LOXL1: variants seen among roughly 807,000 people sequenced by gnomAD.
LOXL1 encodes lysyl oxidase like 1.
A neutral mutation model predicts 62.2 loss-of-function variants in LOXL1; 31 were observed. The ratio of observed to expected loss-of-function variants is 0.50; its 90% CI spans 0.37 to 0.67. The LOEUF (loss-of-function observed/expected upper bound fraction) is 0.67. Ranked by LOEUF, LOXL1 falls within the 30% of genes least tolerant of loss-of-function variation. The probability of loss-of-function intolerance (pLI) is 0.00; values close to 1 mark genes in which losing one functional copy is unlikely to be tolerated. For missense variants in LOXL1, 775 were observed against 843.4 expected (o/e 0.92, Z 1.00); for synonymous variants, 403 against 384.4 (o/e 1.05, Z -0.56).
Position 73,947,839 on chromosome 15 carries a change from T to A in LOXL1, c.1539T>A (p.Asn513Lys). The stretch of plus-strand genomic sequence containing the variant: ...GCCCAGGCTGCTATGACACCTACAA[T>A]GCGGACATCGACTGCCAGTGGATCG... ...GLSPGCYDTY[N>K]ADIDCQWIDI... Residue 513 changes from asparagine to lysine, a missense_variant, in exon 5 of 7, where the codon AAT becomes AAA. Asn to Lys is a moderately conservative substitution (Grantham distance 94, BLOSUM62 0). Coordinates refer to ENST00000261921, the MANE Select transcript of LOXL1 (RefSeq NM_005576.4). 1 of 1,613,748 alleles carries A rather than the reference T, an allele frequency of 6.2e-7. No homozygotes were observed. The highest frequency in any genetic ancestry group is 8.5e-7 in the Non-Finnish European group (1 of 1,179,752).
intron 1 of LOXL1, among the ~76,000 whole-genome samples, chr15:73,931,310 G>A (rs1217486331): frequency 1.3e-5 from 2 of 151,896 alleles, no homozygotes; most frequent in East Asian, 1.9e-4. Context: ...GGAGAGAACC[G>A]CAGCTGCCTC....
Position 73,951,914 on chromosome 15 carries a change from GC to G in LOXL1, c.*80del. The G allele has an allele frequency of 7.4e-7, 1 of 1,349,834 alleles. No individual in the cohort carries two copies. 83.6% of individuals were successfully genotyped at this position (1,349,834 alleles called of 1,614,324 possible). On this transcript the variant is annotated 3_prime_UTR_variant, in exon 7 of 7. Coordinates refer to ENST00000261921, the MANE Select transcript of LOXL1 (RefSeq NM_005576.4). ...TCCCCGGGCAGCCTCCCGCCGAGGG[GC>G]CCAGCCCCCAACCCACAGGCACGGA...
chr15:73,942,018 AC>A, intron 1 of LOXL1: 2 of 197,530 alleles, frequency 1.0e-5, no homozygotes, highest in Non-Finnish European at 2.3e-5. Flanking sequence ...TGGGCGCTTG[AC>A]CCCAGGCCTT....
In LOXL1 at chr15:73,937,500, T is replaced by A. The variant is rs543513915; in HGVS notation, c.1103-5354T>A. 2.0e-3 allele frequency among the ~76,000 whole-genome samples: 308 copies of A among 152,218 alleles called. 1 individual carries two copies. Among genetic ancestry groups the A allele is most frequent in the African/African-American group, 7.2e-3 (301 of 41,532 alleles). On this transcript the variant is annotated intron_variant, in intron 1 of 6. Transcript: ENST00000261921. ...ATCCTGGCTTTGGCCATCTCAAGGG[T>A]CTTCGCTGCCCCGTGACTCAGCATC...
intron 1 of LOXL1, among the ~76,000 whole-genome samples, chr15:73,937,716 C>T (rs1485160434): frequency 6.6e-6 from 1 of 152,232 alleles, no homozygotes. Flanking sequence ...TAGGGCAAGA[C>T]CCCAGGCTCC....
rs113552147 is a variant in LOXL1, at chr15:73,951,781, G to A, written c.1719-50G>A. On this transcript the variant is annotated intron_variant, in intron 6 of 6. Coordinates refer to ENST00000261921, the MANE Select transcript of LOXL1 (RefSeq NM_005576.4). ...GGGACGCCCTGGCTGAGGAGGCCACGGGGGCCTACTTTGCAGCCCCTCATT... is the reference window on the plus strand; with the variant it reads ...GGGACGCCCTGGCTGAGGAGGCCACAGGGGCCTACTTTGCAGCCCCTCATT... 2,665 of 1,493,786 alleles carry A rather than the reference G, an allele frequency of 1.8e-3. 38 individuals carry two copies. The African/African-American group carries it at 0.033, about 18-fold the overall frequency. The allele number at this position is 1,493,786 out of a possible 1,614,324, so 92.5% of individuals were successfully genotyped here. A position where few individuals can be genotyped will look rare whatever the true frequency, so the allele number is the denominator to read the frequency against.
rs781114409 is a variant in LOXL1, at chr15:73,927,359, C to T, written c.576C>T (p.Asp192=). ...TCGTCAGCCAGTACGAGAACTACGA[C>T]CCCGCGTCGCGGACCTACGACCAGG... ...APFVSQYENY[D]PASRTYDQGF... is the part of the protein sequence containing the mutation. The change falls in exon 1 of 7, where the codon GAC becomes GAT. Residue 192 remains aspartate (D), a synonymous_variant. Coordinates refer to ENST00000261921, the MANE Select transcript of LOXL1 (RefSeq NM_005576.4). 32 of 1,589,524 alleles carry T rather than the reference C, an allele frequency of 2.0e-5. No individual in the cohort carries two copies. Among genetic ancestry groups the T allele is most frequent in the Non-Finnish European group, 2.7e-5 (31 of 1,169,320 alleles).
intron 2 of LOXL1, among the ~76,000 whole-genome samples, chr15:73,943,443 G>A (rs188345672): frequency 6.6e-6 from 1 of 152,234 alleles, no homozygotes; most frequent in African/African-American, 2.4e-5. Flanking sequence ...ACAGAGGACA[G>A]TTGTGGCTTT....
Position 73,945,305 on chromosome 15 carries a change from T to A in LOXL1, c.1212-1112T>A, listed in dbSNP as rs988685349. On this transcript the variant is annotated intron_variant, in intron 2 of 6. Coordinates refer to ENST00000261921, the MANE Select transcript of LOXL1 (RefSeq NM_005576.4). The surrounding 1 kb of genome is among the most constrained non-coding windows in gnomAD (Gnocchi z 4.3). The stretch of plus-strand genomic sequence containing the variant: ...TCAGGGAGAGGTGGTCTGGACCCAG[T>A]GCAAGATGTAGATGGTATCGGGCTG... 5.3e-5 allele frequency among the ~76,000 whole-genome samples: 8 copies of A among 152,140 alleles called. No individual in the cohort carries two copies. Among genetic ancestry groups the A allele is most frequent in the Admixed American group, 6.5e-5 (1 of 15,280 alleles).
chr15:73,935,936 T>TGTGTGTGG, intron 1 of LOXL1, among the ~76,000 whole-genome samples: 2 of 145,584 alleles, frequency 1.4e-5, no homozygotes. Flanking sequence ...GTAGAGCTGG[T>TGTGTGTGG]GTGTGTGTGT....
In LOXL1 at chr15:73,930,640, C is replaced by T. The variant is rs981745181; in HGVS notation, c.1102+2755C>T. Among the ~76,000 whole-genome samples the T allele has an allele frequency of 6.6e-6, 1 of 152,106 alleles. No homozygotes were observed. The highest frequency in any genetic ancestry group is 6.5e-5 in the Admixed American group (1 of 15,284). ...CTGGCAGCCTGTGAGTGTGTGTGGGCGTGGACGTGTCCTCACAACACCAAG... is the reference window on the plus strand; with the variant it reads ...CTGGCAGCCTGTGAGTGTGTGTGGGTGTGGACGTGTCCTCACAACACCAAG... On this transcript the variant is annotated intron_variant, in intron 1 of 6. Coordinates refer to ENST00000261921, the MANE Select transcript of LOXL1 (RefSeq NM_005576.4). The surrounding 1 kb of genome is among the most constrained non-coding windows in gnomAD (Gnocchi z 4.7).
At position 73,926,711 on chromosome 15, in the gene LOXL1, G is replaced by A. The variant is rs144581728; in HGVS notation, c.-73G>A. ...GGAGCCTTCCTGTCCTCGAGGCCGT[G>A]GGAAGAGAAGCACGCCCAGGGGGCC... On this transcript the variant is annotated 5_prime_UTR_variant, in exon 1 of 7. Coordinates refer to ENST00000261921, the MANE Select transcript of LOXL1 (RefSeq NM_005576.4). 4.2e-3 allele frequency: 5,643 copies of A among 1,353,856 alleles called. 136 individuals are homozygous for A. The East Asian group carries it at 0.047, about 11-fold the overall frequency. The allele number at this position is 1,353,856 out of a possible 1,614,324, so 83.9% of individuals were successfully genotyped here.
intron 1 of LOXL1, chr15:73,928,342 A>C: frequency 6.5e-6 from 1 of 154,700 alleles, no homozygotes; most frequent in Non-Finnish European, 1.4e-5. Flanking sequence ...CAGGGCCAGA[A>C]AGGCCTTAAG....
rs546633835 is a variant in LOXL1 at position 73,947,621 on chromosome 15, C to A, written c.1507-186C>A. 3 of 529,276 alleles carry A rather than the reference C, an allele frequency of 5.7e-6. No homozygotes were observed. The East Asian group carries it at 9.2e-5, about 16-fold the overall frequency. The allele number at this position is 529,276 out of a possible 1,614,324, so 32.8% of individuals were successfully genotyped here. A position where few individuals can be genotyped will look rare whatever the true frequency, so the allele number is the denominator to read the frequency against. On this transcript the variant is annotated intron_variant, in intron 4 of 6. Coordinates refer to ENST00000261921, the MANE Select transcript of LOXL1 (RefSeq NM_005576.4). The stretch of plus-strand genomic sequence containing the variant: ...TCCCTCCCACCTGGCTATTAGATAT[C>A]TGTCTTTCCTCTGGTCCATCTAGCC...
chr15:73,927,537 T>C lies in LOXL1; in HGVS notation c.754T>C (p.Tyr252His), dbSNP rs2068594519. 2 of 1,317,220 alleles carry C rather than the reference T, an allele frequency of 1.5e-6. No individual in the cohort carries two copies. Among genetic ancestry groups the C allele is most frequent in the Non-Finnish European group, 2.0e-6 (2 of 1,017,028 alleles). The allele number at this position is 1,317,220 out of a possible 1,614,324, so 81.6% of individuals were successfully genotyped here. A position where few individuals can be genotyped will look rare whatever the true frequency, so the allele number is the denominator to read the frequency against. The change falls in exon 1 of 7, where the codon TAC (tyrosine) becomes CAC (histidine). Residue 252 changes from tyrosine (Y) to histidine (H), a missense_variant. Coordinates refer to ENST00000261921, the MANE Select transcript of LOXL1 (RefSeq NM_005576.4). The part of the protein sequence containing the change: ...ELPEYPPQGF[Y>H]PAPERPYVPP... ...GCCCGAGTACCCGCCTCAGGGCTTC[T>C]ACCCGGCCCCCGAGAGGCCCTACGT...
intron 6 of LOXL1, 149 bp from the exon 7 acceptor site, chr15:73,951,682 A>G (rs1316048746): frequency 5.2e-6 from 3 of 573,594 alleles, no homozygotes; most frequent in Non-Finnish European, 8.2e-6. Flanking sequence ...AGCTGGGCTG[A>G]GGGGGTCGGA....
chr15:73,944,821 G>A (rs1478559870), intron 2 of LOXL1, among the ~76,000 whole-genome samples: 2 of 152,222 alleles, frequency 1.3e-5, no homozygotes, highest in Non-Finnish European at 2.9e-5. Flanking sequence ...CCCAGACATA[G>A]ACAGATTCCA....
chr15:73,944,916 C>A (rs548582464), intron 2 of LOXL1, among the ~76,000 whole-genome samples: 3 of 152,172 alleles, frequency 2.0e-5, no homozygotes, highest in African/African-American at 7.2e-5. Flanking sequence ...TCAAAGAGAG[C>A]GCTAATCCCT....
chr15:73,929,786 A>C (rs971867637), intron 1 of LOXL1, among the ~76,000 whole-genome samples: 10 of 152,240 alleles, frequency 6.6e-5, no homozygotes, highest in African/African-American at 2.2e-4. Context: ...TTAGAATGCA[A>C]GACCTCAGCA....
Sources: gnomAD v4.1 joint callset for allele counts (sites outside exome capture counted in the v4.1 genomes callset) on GRCh38, gnomAD v4.1.1 for gene constraint, Gnocchi (gnomAD v3.1) non-coding constraint, MANE v1.5 for transcripts, NCBI Gene and HGNC (gene_info 2026-07-23, HGNC 2026-07-21) for gene names.